The following GPC5 variants were observed in gnomAD, a reference collection of about 807,000 sequenced individuals.
GPC5 encodes the protein glypican-5.
Under a neutral mutation model 53.9 loss-of-function variants are expected in GPC5, and 47 were observed. The observed-to-expected ratio is 0.87, with a 90% confidence interval of 0.69 to 1.11. The LOEUF (loss-of-function observed/expected upper bound fraction) is 1.11. Among genes scored for constraint, GPC5 ranks in the 50% most tolerant of loss-of-function variants. The pLI is 0.00. For missense variants in GPC5, 748 were observed against 713.1 expected, an observed-to-expected ratio of 1.05 and a Z score of -0.56; for synonymous variants, 286 against 263.3, an observed-to-expected ratio of 1.09 and a Z score of -0.84.
intron 5 of GPC5, among the ~76,000 whole-genome samples, chr13:91,851,989 G>T (rs983649240): frequency 6.6e-5 from 10 of 150,924 alleles, no homozygotes; most frequent in Non-Finnish European, 1.5e-4. Context: ...ATAGCAGCAT[G>T]ATTTATAGTC....
At chr13:92,401,544 A>G (rs1275291422) in intron 7 of GPC5, among the ~76,000 whole-genome samples, 1 of 152,164 alleles carries the variant, frequency 6.6e-6, no homozygotes, top group African/African-American at 2.4e-5. Flanking sequence ...ATTTGAAGCC[A>G]TATATTTATT....
At chr13:91,535,892 C>T (rs1349799170) in intron 2 of GPC5, among the ~76,000 whole-genome samples, 1 of 152,076 alleles carries the variant, frequency 6.6e-6, no homozygotes, top group Non-Finnish European at 1.5e-5. Flanking sequence ...AATATGTATA[C>T]TAGTGCTAAT....
chr13:91,702,474 C>T (rs1335326714), intron 3 of GPC5, among the ~76,000 whole-genome samples: 2 of 152,126 alleles, frequency 1.3e-5, no homozygotes, highest in Middle Eastern at 3.4e-3. Context: ...AAATTTATTT[C>T]TGGGATCTTA....
intron 7 of GPC5, among the ~76,000 whole-genome samples, chr13:92,519,185 T>G (rs1594269669): frequency 6.6e-6 from 1 of 152,260 alleles, no homozygotes; most frequent in African/African-American, 2.4e-5. Context: ...AATGGGAGAC[T>G]TTAACACCCC....
intron 5 of GPC5, among the ~76,000 whole-genome samples, chr13:91,789,145 G>A (rs1488580467): frequency 1.3e-5 from 2 of 152,100 alleles, no homozygotes; most frequent in Non-Finnish European, 2.9e-5. Context: ...CCCGGGAGGT[G>A]GAGGTTGCAG....
chr13:91,676,214 G>T (rs1304590635), intron 2 of GPC5, among the ~76,000 whole-genome samples: 1 of 152,040 alleles, frequency 6.6e-6, no homozygotes, highest in African/African-American at 2.4e-5. Context: ...GGGATTACAG[G>T]TGCCCGCCAC....
chr13:91,476,403 C>T (rs192584478), intron 2 of GPC5, among the ~76,000 whole-genome samples: 3 of 152,226 alleles, frequency 2.0e-5, no homozygotes, highest in African/African-American at 4.8e-5. Context: ...TAAATAACAA[C>T]GGATTTGAGA....
intron 7 of GPC5, among the ~76,000 whole-genome samples, chr13:92,785,724 G>A (rs1276490781): frequency 2.0e-5 from 3 of 152,172 alleles, no homozygotes; most frequent in African/African-American, 7.2e-5. Flanking sequence ...GTGGCTAAGA[G>A]ACTAGACTCA....
At position 92,099,791 on chromosome 13, in the gene GPC5, C is replaced by G. The variant is rs564212289; in HGVS notation, c.1402-45039C>G. 2.8e-4 allele frequency among the ~76,000 whole-genome samples: 43 copies of G among 152,246 alleles called. 1 individual carries two copies. Among genetic ancestry groups the G allele is most frequent in the African/African-American group, 9.4e-4 (39 of 41,524 alleles). ...TTTCTGTCCTTGTGTTCAGACAGAA[C>G]CCATGACTTGTTTGTAGCTAATATA... On this transcript the variant is annotated intron_variant, in intron 6 of 7. Transcript: ENST00000377067.
At chr13:92,297,883 G>T (rs1035814622) in intron 7 of GPC5, among the ~76,000 whole-genome samples, 2 of 152,002 alleles carry the variant, frequency 1.3e-5, no homozygotes, top group African/African-American at 4.8e-5. Context: ...AACACTCACC[G>T]CGAAGATCTG....
In GPC5 at chr13:92,054,152, GT is replaced by G. The variant is rs2041055253; in HGVS notation, c.1402-90677del. 1.3e-4 allele frequency among the ~76,000 whole-genome samples: 3 copies of G among 23,394 alleles called. No individual in the cohort carries two copies. The South Asian group carries it at 6.5e-3, about 51-fold the overall frequency. 15.3% of individuals were successfully genotyped at this position (23,394 alleles called of 152,430 possible). On this transcript the variant is annotated intron_variant, in intron 6 of 7. Coordinates refer to ENST00000377067, the MANE Select transcript of GPC5 (RefSeq NM_004466.6). ...ATATAATAAATTACTTTGGAGGGGTGTGTGTGTGTGTGTGTGTGTGTGTGTG... is the reference window on the plus strand; with the variant it reads ...ATATAATAAATTACTTTGGAGGGGTGGTGTGTGTGTGTGTGTGTGTGTGTG...
At chr13:92,189,280 T>C (rs2042205630) in intron 7 of GPC5, among the ~76,000 whole-genome samples, 1 of 152,148 alleles carries the variant, frequency 6.6e-6, no homozygotes, top group Non-Finnish European at 1.5e-5. Context: ...CCCAATCTTT[T>C]GGGATTTCAT....
chr13:92,524,897 G>A (rs866378952), intron 7 of GPC5, among the ~76,000 whole-genome samples: 3 of 152,088 alleles, frequency 2.0e-5, no homozygotes, highest in South Asian at 2.1e-4. Flanking sequence ...ATGGAGATGC[G>A]TAGGGATGAA....
chr13:92,298,789 C>CCTT (rs2043055771), intron 7 of GPC5, among the ~76,000 whole-genome samples: 1 of 152,122 alleles, frequency 6.6e-6, no homozygotes, highest in Admixed American at 6.5e-5. Flanking sequence ...TGATGCAAGC[C>CCTT]TCCACACGCT....
intron 7 of GPC5, among the ~76,000 whole-genome samples, chr13:92,696,548 G>A (rs900831156): frequency 6.6e-6 from 1 of 151,888 alleles, no homozygotes; most frequent in African/African-American, 2.4e-5. Flanking sequence ...GGGGTTGTTT[G>A]TTTTTTTCTT....
At chr13:91,729,172 A>G (rs1241942252) in intron 4 of GPC5, among the ~76,000 whole-genome samples, 1 of 152,218 alleles carries the variant, frequency 6.6e-6, no homozygotes, top group East Asian at 1.9e-4. Flanking sequence ...ATAATTTTAC[A>G]TGAAATGCTA....
At chr13:92,548,864 C>T (rs565375448) in intron 7 of GPC5, among the ~76,000 whole-genome samples, 4 of 152,034 alleles carry the variant, frequency 2.6e-5, no homozygotes, top group East Asian at 3.9e-4. Context: ...TGTATCAAAA[C>T]ATCTCATGTG....
chr13:92,519,360 T>C (rs975372205), intron 7 of GPC5, among the ~76,000 whole-genome samples: 1 of 152,164 alleles, frequency 6.6e-6, no homozygotes, highest in Non-Finnish European at 1.5e-5. Flanking sequence ...TATTCCAAAA[T>C]TGACCACATA....
At chr13:91,533,513 C>T (rs779122240) in intron 2 of GPC5, among the ~76,000 whole-genome samples, 28 of 152,134 alleles carry the variant, frequency 1.8e-4, no homozygotes, top group Admixed American at 9.8e-4. Flanking sequence ...ACAATCTCAG[C>T]CTTTGGCCTT....
Sources: allele counts gnomAD v4.1 joint callset (sites outside exome capture counted in the v4.1 genomes callset), GRCh38; gene constraint gnomAD v4.1.1; transcripts MANE v1.5; gene names NCBI Gene and HGNC (gene_info 2026-07-23, HGNC 2026-07-21).